ATP2C1: variants seen among roughly 807,000 people sequenced by gnomAD.
ATP2C1 encodes the protein ATPase secretory pathway Ca2+ transporting 1.
In ATP2C1, 31 loss-of-function variants were observed where a neutral mutation model predicts 120.5. The observed-to-expected ratio is 0.26, with a 90% CI of 0.19 to 0.35. The LOEUF is 0.35. ATP2C1 is among the 10% of genes least tolerant of loss of function. The pLI, the probability that ATP2C1 is intolerant of heterozygous loss-of-function variation, is 1.00. For missense variants in ATP2C1, 731 were observed against 1,107.5 expected, an observed-to-expected ratio of 0.66 and a Z score of 4.83; for synonymous variants, 351 against 358.7, an observed-to-expected ratio of 0.98 and a Z score of 0.24.
intron 1 of ATP2C1, among the ~76,000 whole-genome samples, chr3:130,886,769 G>T (rs1033520156): frequency 1.3e-5 from 2 of 152,064 alleles, no homozygotes; most frequent in Non-Finnish European, 2.9e-5. Context: ...ATTTCTTTGA[G>T]TTTTCTAAAA....
intron 2 of ATP2C1, among the ~76,000 whole-genome samples, chr3:130,906,389 T>C (rs975663850): frequency 1.3e-5 from 2 of 152,136 alleles, no homozygotes; most frequent in Admixed American, 6.6e-5. Context: ...CTTTTTGCGA[T>C]GAAATAATAT....
At chr3:130,915,328 A>T (rs2058636219) in intron 2 of ATP2C1, among the ~76,000 whole-genome samples, 1 of 152,060 alleles carries the variant, frequency 6.6e-6, no homozygotes, top group Admixed American at 6.6e-5. Flanking sequence ...TCCTGACCTC[A>T]AGTGATCCAC....
intron 21 of ATP2C1, among the ~76,000 whole-genome samples, 156 bp downstream of exon 21, chr3:130,993,157 C>T (rs1022473377): frequency 4.0e-5 from 6 of 151,352 alleles, no homozygotes; most frequent in Admixed American, 6.6e-5. Flanking sequence ...CATAGAAACA[C>T]TAATAGAGAA....
chr3:131,006,147 T>C (rs2063100665), downstream of ATP2C1, among the ~76,000 whole-genome samples: 1 of 152,244 alleles, frequency 6.6e-6, no homozygotes, highest in South Asian at 2.1e-4. Flanking sequence ...AGTCTTGCTC[T>C]GTTGCCCAGG....
chr3:130,875,012 G>A (rs1034417127), intron 1 of ATP2C1, among the ~76,000 whole-genome samples: 1 of 152,110 alleles, frequency 6.6e-6, no homozygotes, highest in Non-Finnish European at 1.5e-5. Flanking sequence ...TGTAATAGTT[G>A]TATTTATTTA....
intron 26 of ATP2C1, chr3:131,015,068 C>A (rs976508660): frequency 5.4e-5 from 27 of 500,096 alleles, no homozygotes; most frequent in Middle Eastern, 3.6e-4. Context: ...AATTATTAAA[C>A]GAAAGAAATA....
At chr3:130,876,682 G>T (rs1380488951) in intron 1 of ATP2C1, among the ~76,000 whole-genome samples, 2 of 152,038 alleles carry the variant, frequency 1.3e-5, no homozygotes, top group African/African-American at 2.4e-5. Context: ...AATTGGAAAT[G>T]CATTGAATCT....
chr3:130,913,839 A>G (rs555234502), intron 2 of ATP2C1, among the ~76,000 whole-genome samples: 5 of 152,190 alleles, frequency 3.3e-5, no homozygotes, highest in South Asian at 2.1e-4. Context: ...GTGTTACACA[A>G]TGGTTCGGTT....
intron 10 of ATP2C1, chr3:130,955,805 C>A: frequency 3.2e-6 from 1 of 311,202 alleles, no homozygotes; most frequent in Non-Finnish European, 6.2e-6. Context: ...TGAAGTCCTG[C>A]AGTGGTTGGT....
chr3:130,929,767 C>G (rs1291115857), intron 2 of ATP2C1: 1 of 155,528 alleles, frequency 6.4e-6, no homozygotes, highest in African/African-American at 2.4e-5. Context: ...TATGAAGCTG[C>G]ATCAAGTACG....
intron 4 of ATP2C1, among the ~76,000 whole-genome samples, chr3:130,933,158 C>G (rs2059521746): frequency 6.6e-6 from 1 of 152,152 alleles, no homozygotes; most frequent in African/African-American, 2.4e-5. Context: ...AAAGCTAGAG[C>G]ACCTGCCCCT....
chr3:130,932,288 A>C, intron 4 of ATP2C1, 150 bp downstream of exon 4: 3 of 629,416 alleles, frequency 4.8e-6, no homozygotes, highest in Non-Finnish European at 8.5e-6. Flanking sequence ...GTTGGGGCTT[A>C]CTGTTAGGTT....
At chr3:130,875,117 C>G (rs1236608276) in intron 1 of ATP2C1, among the ~76,000 whole-genome samples, 2 of 152,074 alleles carry the variant, frequency 1.3e-5, no homozygotes, top group African/African-American at 4.8e-5. Flanking sequence ...TTTATGATTT[C>G]TTTTTGTTGG....
In ATP2C1 at chr3:130,894,149, T is replaced by TGGG; in HGVS notation, c.-369_-368insGGG. The TGGG allele has an allele frequency of 3.3e-5, 23 of 694,720 alleles. No homozygotes were observed. The highest frequency in any genetic ancestry group is 6.5e-5 in the South Asian group (1 of 15,498). 43.0% of individuals were successfully genotyped at this position (694,720 alleles called of 1,614,324 possible). A position where few individuals can be genotyped will look rare whatever the true frequency, so the allele number is the denominator to read the frequency against. Reference sequence around the variant, plus strand: ...ACGGGTCCCCTCACCTCCTCTTCTCTCCCCTCCCCGCCCGCCCTCTCTCCC... The same window carrying TGGG: ...ACGGGTCCCCTCACCTCCTCTTCTCTGGGCCCCTCCCCGCCCGCCCTCTCTCCC... On this transcript the variant is annotated 5_prime_UTR_variant, in exon 1 of 28. Coordinates refer to ENST00000510168, the MANE Select transcript of ATP2C1 (RefSeq NM_001378687.1). The surrounding 1 kb of genome is among the most constrained non-coding windows in gnomAD (Gnocchi z 4.5).
At chr3:130,930,564 A>T (rs748537271) in intron 3 of ATP2C1, 38 bp downstream of exon 3, 1 of 1,267,764 alleles carries the variant, frequency 7.9e-7, no homozygotes, top group East Asian at 2.3e-5. Flanking sequence ...TAGATGGTGT[A>T]AAGTCAGTCA....
intron 2 of ATP2C1, among the ~76,000 whole-genome samples, chr3:130,913,159 G>C (rs1019945013): frequency 2.0e-5 from 3 of 150,022 alleles, no homozygotes; most frequent in African/African-American, 7.4e-5. Context: ...TGACGAGTTA[G>C]TGGGTGCAGC....
intron 26 of ATP2C1, chr3:131,016,143 C>A: frequency 2.5e-6 from 4 of 1,613,416 alleles, no homozygotes; most frequent in Non-Finnish European, 3.4e-6. Context: ...ATGGTGCTTA[C>A]CGAGTTAGGT....
chr3:130,868,455 C>G (rs1244233813), intron 1 of ATP2C1: 1 of 102,968 alleles, frequency 9.7e-6, no homozygotes, highest in Non-Finnish European at 2.1e-5. Flanking sequence ...CCAGCCGCCC[C>G]GTCCGGGAGG....
At chr3:130,932,586 G>A (rs1264730104) in intron 4 of ATP2C1, among the ~76,000 whole-genome samples, 2 of 152,078 alleles carry the variant, frequency 1.3e-5, no homozygotes, top group African/African-American at 2.4e-5. Context: ...ATAAAATGGT[G>A]ATGATAACCT....
Sources: gnomAD v4.1 joint callset for allele counts (sites outside exome capture counted in the v4.1 genomes callset) on GRCh38, gnomAD v4.1.1 for gene constraint, Gnocchi (gnomAD v3.1) non-coding constraint, MANE v1.5 for transcripts, NCBI Gene and HGNC (gene_info 2026-07-23, HGNC 2026-07-21) for gene names.